The following SEZ6L2 variants were observed in gnomAD, a reference collection of about 807,000 sequenced individuals.
The protein encoded by SEZ6L2 is seizure related 6 homolog like 2, also known as seizure 6-like protein 2.
Under a neutral mutation model 97.0 loss-of-function variants are expected in SEZ6L2, and 44 were observed. The observed-to-expected ratio is 0.45, with a 90% CI of 0.36 to 0.58. The LOEUF (loss-of-function observed/expected upper bound fraction) is 0.58. SEZ6L2 is among the 20% of genes least tolerant of loss of function. SEZ6L2 has a pLI of 0.00. For missense variants in SEZ6L2, 1,086 were observed against 1,233.3 expected (o/e 0.88, Z 1.79); for synonymous variants, 543 against 546.1 (o/e 0.99, Z 0.08).
intron 5 of SEZ6L2, among the ~76,000 whole-genome samples, chr16:29,893,624 G>C (rs1280358536): frequency 2.0e-5 from 3 of 150,614 alleles, no homozygotes; most frequent in African/African-American, 4.9e-5. Context: ...CTCCAGCCTG[G>C]GCAACAAAGT....
At chr16:29,872,061 G>GACA (rs1475931219) in intron 17 of SEZ6L2, 126 bp downstream of exon 17, 13 of 761,722 alleles carry the variant, frequency 1.7e-5, no homozygotes, top group Non-Finnish European at 2.8e-5. Context: ...TATGCTCATT[G>GACA]ACATGGCCTC....
intron 5 of SEZ6L2, 64 bp from the exon 6 acceptor site, chr16:29,888,789 C>T (rs2068204763): frequency 1.4e-6 from 2 of 1,410,156 alleles, no homozygotes; most frequent in African/African-American, 1.4e-5. Flanking sequence ...ATACTGATCC[C>T]CCAGCACTTC....
chr16:29,898,962 G>A lies in SEZ6L2; in HGVS notation c.58C>T (p.Leu20=). ...PPPQLLFLIL[L]SCPWIQGLPL... ...TTACCCTGGATCCAGGGACAGCTCA[G>A]CAGAATTAGGAACAGCAGCTGGGGA... Residue 20 remains leucine (L), a synonymous_variant, in exon 1 of 18, where the codon CTG becomes TTG. Transcript: ENST00000617533. The A allele has an allele frequency of 6.2e-7, 1 of 1,612,138 alleles. No homozygotes were observed. The highest frequency in any genetic ancestry group is 8.5e-7 in the Non-Finnish European group (1 of 1,179,708).
At chr16:29,877,086 C>G in intron 11 of SEZ6L2, 136 bp from the exon 12 acceptor site, 2 of 1,108,740 alleles carry the variant, frequency 1.8e-6, no homozygotes, top group Non-Finnish European at 2.5e-6. Flanking sequence ...TTCCTGTCGC[C>G]CAGGCTGGAG....
chr16:29,897,774 C>A, intron 2 of SEZ6L2, 79 bp downstream of exon 2: 1 of 1,482,040 alleles, frequency 6.7e-7, no homozygotes, highest in Non-Finnish European at 9.0e-7. Context: ...CTGCTCTTCT[C>A]TAGCCTGGCT....
At chr16:29,871,849 G>A in intron 17 of SEZ6L2, 121 bp from the exon 18 acceptor site, 4 of 855,228 alleles carry the variant, frequency 4.7e-6, no homozygotes, top group South Asian at 4.3e-5. Context: ...GGGCTGGGGG[G>A]CCAGTGAATG....
intron 5 of SEZ6L2, among the ~76,000 whole-genome samples, chr16:29,890,872 C>T (rs928340456): frequency 4.6e-5 from 7 of 151,336 alleles, no homozygotes; most frequent in African/African-American, 1.2e-4. Context: ...CCTCAGCCTC[C>T]CAAGTAGCTG....
rs969613595 is a variant in SEZ6L2 at position 29,877,450 on chromosome 16, C to A, written c.1730G>T (p.Gly577Val). ...LQVEILNVRE[G>V]DMLTLFDGDG... ...CCCGTCGAACAGCGTCAGCATGTCC[C>A]CTTCCCGCACATTCAATCTGCAGGG... The change falls in exon 11 of 18, where the codon GGG becomes GTG. Residue 577 changes from glycine (G) to valine (V), a missense_variant. By Grantham distance (109) the Gly-to-Val change is moderately radical. This residue lies in a region of SEZ6L2 where 776 missense variants were observed against 794.7 expected (regional missense o/e 0.98). Transcript: ENST00000617533. 3 of 1,597,868 alleles carry A rather than the reference C, an allele frequency of 1.9e-6. No homozygotes were observed. Among genetic ancestry groups the A allele is most frequent in the African/African-American group, 1.3e-5 (1 of 74,472 alleles).
intron 8 of SEZ6L2, among the ~76,000 whole-genome samples, chr16:29,880,977 T>C (rs1281564242): frequency 1.3e-5 from 2 of 151,236 alleles, no homozygotes; most frequent in Non-Finnish European, 3.0e-5. Flanking sequence ...TTTCACCATG[T>C]TACTTAGGCT....
intron 12 of SEZ6L2, among the ~76,000 whole-genome samples, chr16:29,874,550 GTTTTTTTTTTTTTTTTTTTTTTTTT>G (rs541095994): frequency 0.018 from 587 of 32,586 alleles, 31 homozygotes; most frequent in Middle Eastern, 0.083. Flanking sequence ...GTGTGTGCTT[GTTTTTTTTTTTTTTTTTTTTTTTTT>G]TTTTTTTTTT....
chr16:29,898,451 C>CT (rs1567430817), intron 1 of SEZ6L2, among the ~76,000 whole-genome samples: 3 of 152,030 alleles, frequency 2.0e-5, no homozygotes, highest in Non-Finnish European at 4.4e-5. Context: ...CTCTCTCCCC[C>CT]CCACCCTCTC....
intron 4 of SEZ6L2, 72 bp downstream of exon 4, chr16:29,895,649 A>C: frequency 6.5e-7 from 1 of 1,536,356 alleles, no homozygotes; most frequent in African/African-American, 1.4e-5. Context: ...CTCCCAGGCC[A>C]AACCCGTGCA....
intron 9 of SEZ6L2, among the ~76,000 whole-genome samples, 199 bp from the exon 10 acceptor site, chr16:29,878,624 G>C (rs1264629990): frequency 6.6e-6 from 1 of 150,602 alleles, no homozygotes; most frequent in Non-Finnish European, 1.5e-5. Context: ...TCTCTCTGTC[G>C]CCCAGGCTGG....
In SEZ6L2 at chr16:29,896,671, T is replaced by C. The variant is rs2068397395; in HGVS notation, c.511+151A>G. On this transcript the variant is annotated intron_variant, in intron 3 of 17. Coordinates refer to ENST00000617533, the MANE Select transcript of SEZ6L2 (RefSeq NM_001243332.2). ...AACAATTGGAACACTGCCTGGTACATAGTAAGGGTACAGAAATGCTACCTT... is the reference window on the plus strand; with the variant it reads ...AACAATTGGAACACTGCCTGGTACACAGTAAGGGTACAGAAATGCTACCTT... The C allele has an allele frequency of 7.4e-6, 5 of 671,506 alleles. No individual in the cohort carries two copies. In the Admixed American group the frequency reaches 1.4e-4, roughly 19 times the overall value. 41.6% of individuals were successfully genotyped at this position (671,506 alleles called of 1,614,324 possible).
At chr16:29,878,768 T>G (rs192588334) in intron 9 of SEZ6L2, among the ~76,000 whole-genome samples, 1 of 148,834 alleles carries the variant, frequency 6.7e-6, no homozygotes, top group East Asian at 2.0e-4. Context: ...TTTTTCTTTT[T>G]TTTTTTTTTT....
At position 29,895,256 on chromosome 16, in the gene SEZ6L2, C is replaced by T. The variant is rs749045001; in HGVS notation, c.853+3G>A. On this transcript the variant is annotated splice_donor_region_variant and intron_variant, in intron 5 of 17. Coordinates refer to ENST00000617533, the MANE Select transcript of SEZ6L2 (RefSeq NM_001243332.2). ...CTTCCAGCAGCACCCTCAAACTCCT[C>T]ACCCTGATAGTGGATCCTGAAGCCA... is the stretch of plus-strand genomic sequence containing the variant. The T allele has an allele frequency of 3.7e-6, 6 of 1,610,894 alleles. No homozygotes were observed. Among genetic ancestry groups the T allele is most frequent in the South Asian group, 1.1e-5 (1 of 91,022 alleles).
chr16:29,873,462 T>C lies in SEZ6L2; in HGVS notation c.2297-31A>G. ...GGGAGCATGCCAGTCACGTGCCAGC[T>C]GCACTACTGTGCACGGGGCAGACGG... On this transcript the variant is annotated intron_variant, in intron 13 of 17. Coordinates refer to ENST00000617533, the MANE Select transcript of SEZ6L2 (RefSeq NM_001243332.2). This position sits in a 1 kb window ranked among gnomAD's most constrained non-coding sequence, Gnocchi z 4.3. The C allele has an allele frequency of 6.2e-7, 1 of 1,614,030 alleles. No homozygotes were observed. Among genetic ancestry groups the C allele is most frequent in the Non-Finnish European group, 8.5e-7 (1 of 1,179,926 alleles).
rs557711863 is a variant in SEZ6L2, at chr16:29,876,084, A to G, written c.2104+672T>C. Reference sequence around the variant, plus strand: ...GTGAACTTTCCATCTGCTCTTCACAACCTCAGTCCTACTTCGCCGATGGGG... The same window carrying G: ...GTGAACTTTCCATCTGCTCTTCACAGCCTCAGTCCTACTTCGCCGATGGGG... On this transcript the variant is annotated intron_variant, in intron 12 of 17. Transcript: ENST00000617533. This position sits in a 1 kb window ranked among gnomAD's most constrained non-coding sequence, Gnocchi z 6.5. Among the ~76,000 whole-genome samples, 82 of 152,044 alleles carry G rather than the reference A, an allele frequency of 5.4e-4. No homozygotes were observed. The highest frequency in any genetic ancestry group is 1.7e-3 in the African/African-American group (69 of 41,460).
chr16:29,897,819 C>T (rs755933530), intron 2 of SEZ6L2, 34 bp downstream of exon 2: 2 of 1,579,318 alleles, frequency 1.3e-6, no homozygotes, highest in Non-Finnish European at 1.7e-6. Flanking sequence ...CTCCCTCTGC[C>T]TCTAGGCCAC....
Sources: gnomAD v4.1 joint callset for allele counts (sites outside exome capture counted in the v4.1 genomes callset) on GRCh38, gnomAD v4.1.1 for gene constraint, gnomAD v4.1.1 regional missense constraint, Gnocchi (gnomAD v3.1) non-coding constraint, MANE v1.5 for transcripts, NCBI Gene and HGNC (gene_info 2026-07-23, HGNC 2026-07-21) for gene names.